PXK: variants seen among roughly 807,000 people sequenced by gnomAD.
PXK encodes PX domain containing serine/threonine kinase like.
In PXK, 35 loss-of-function variants were observed where a neutral mutation model predicts 84.7. The ratio of observed to expected loss-of-function variants is 0.41; its 90% CI spans 0.32 to 0.55. PXK has a LOEUF of 0.55. Ranked by LOEUF, PXK falls within the 20% of genes least tolerant of loss-of-function variation. The pLI is 0.21. For synonymous variants in PXK, 253 were observed against 260.8 expected (o/e 0.97, Z 0.29); for missense variants, 634 against 699.7 (o/e 0.91, Z 1.06).
chr3:58,423,396 T>C, intron 17 of PXK: 1 of 1,506,876 alleles, frequency 6.6e-7, no homozygotes, highest in Non-Finnish European at 8.9e-7. Context: ...TTTGTATTGC[T>C]ATCTTTGAGC....
chr3:58,348,345 C>G (rs888814650), intron 1 of PXK, among the ~76,000 whole-genome samples: 4 of 152,170 alleles, frequency 2.6e-5, no homozygotes, highest in African/African-American at 9.7e-5. Context: ...CTAGTGGTCT[C>G]CTTCTGAACC....
At chr3:58,392,260 T>G (rs1411330281) in intron 7 of PXK, among the ~76,000 whole-genome samples, 1 of 152,220 alleles carries the variant, frequency 6.6e-6, no homozygotes, top group Non-Finnish European at 1.5e-5. Flanking sequence ...AGTTACTACC[T>G]TCACAGGCTA....
At chr3:58,352,955 T>C (rs551823615) in intron 1 of PXK, among the ~76,000 whole-genome samples, 32 of 152,232 alleles carry the variant, frequency 2.1e-4, no homozygotes, top group African/African-American at 7.7e-4. Context: ...AATGTGTGCT[T>C]CATCTCTTCT....
At chr3:58,342,152 T>G (rs944871529) in intron 1 of PXK, among the ~76,000 whole-genome samples, 1 of 152,128 alleles carries the variant, frequency 6.6e-6, no homozygotes, top group Non-Finnish European at 1.5e-5. Context: ...AGTTCTATTG[T>G]TATCGGAATT....
chr3:58,423,368 G>C lies in PXK; in HGVS notation c.1529-1384G>C. On this transcript the variant is annotated intron_variant, in intron 17 of 17. Transcript: ENST00000356151. ...GAACCAATGAACATGTTGGTCATTT[G>C]TCTGTATTTAGTCTTTATTTGTATT... 3.4e-6 allele frequency: 5 copies of C among 1,483,326 alleles called. No homozygotes were observed. In the South Asian group the frequency reaches 6.1e-5, roughly 18 times the overall value. The allele number at this position is 1,483,326 out of a possible 1,614,324, so 91.9% of individuals were successfully genotyped here.
chr3:58,338,735 G>A (rs1264380428), intron 1 of PXK, among the ~76,000 whole-genome samples: 2 of 150,720 alleles, frequency 1.3e-5, no homozygotes, highest in Non-Finnish European at 2.9e-5. Context: ...CCCCAGGTGG[G>A]AGTGCAGTGG....
intron 1 of PXK, among the ~76,000 whole-genome samples, chr3:58,355,701 A>G (rs2098061715): frequency 1.3e-5 from 2 of 152,224 alleles, no homozygotes; most frequent in African/African-American, 2.4e-5. Flanking sequence ...GCATTAATCA[A>G]TTCCAAAGGT....
chr3:58,386,012 G>T (rs2098547651), intron 4 of PXK, among the ~76,000 whole-genome samples: 1 of 152,112 alleles, frequency 6.6e-6, no homozygotes, highest in African/African-American at 2.4e-5. Flanking sequence ...CCAGGGGATG[G>T]CTAACTGGGA....
At chr3:58,336,052 TA>T (rs2097585675) in intron 1 of PXK, among the ~76,000 whole-genome samples, 1 of 53,076 alleles carries the variant, frequency 1.9e-5, no homozygotes, top group Non-Finnish European at 3.2e-5. Context: ...TATATATATA[TA>T]TATATATATA....
rs1207747509 is a variant in PXK, at chr3:58,372,231, C to CTTTGT, written c.201+2766_201+2770dup. 9.9e-5 allele frequency among the ~76,000 whole-genome samples: 15 copies of CTTTGT among 152,216 alleles called. No homozygotes were observed. The East Asian group carries it at 2.5e-3, about 25-fold the overall frequency. On this transcript the variant is annotated intron_variant, in intron 3 of 17. Transcript: ENST00000356151. The stretch of plus-strand genomic sequence containing the variant: ...TTATAGGTTATGTCTTTTTCTGTTT[C>CTTTGT]TTTGTTTTGTTTTGTTTAATGTTCT...
intron 7 of PXK, among the ~76,000 whole-genome samples, chr3:58,392,697 T>C (rs180884446): frequency 5.3e-5 from 8 of 151,912 alleles, no homozygotes; most frequent in Non-Finnish European, 1.0e-4. Flanking sequence ...AGTCTCTCTT[T>C]GTCACCCAGG....
intron 1 of PXK, among the ~76,000 whole-genome samples, chr3:58,338,081 C>A (rs1181351341): frequency 1.3e-5 from 2 of 151,976 alleles, no homozygotes; most frequent in Non-Finnish European, 2.9e-5. Flanking sequence ...GTGGCTCGCA[C>A]TTGTAATCCC....
rs2098474487 is a variant in PXK, at chr3:58,379,149, C to T, written c.202-3365C>T. ...TGTTGCCCAGGCTGGTTTTGAACTC[C>T]TGACCTCAGGTGATCCACCCACCTC... On this transcript the variant is annotated intron_variant, in intron 3 of 17. Coordinates refer to ENST00000356151, the MANE Select transcript of PXK (RefSeq NM_017771.5). This position sits in a 1 kb window ranked among gnomAD's most constrained non-coding sequence, Gnocchi z 5.1. 6.6e-6 allele frequency: 1 copy of T among 152,480 alleles called. No homozygotes were observed. Among genetic ancestry groups the T allele is most frequent in the African/African-American group, 2.4e-5 (1 of 41,392 alleles). 9.4% of individuals were successfully genotyped at this position (152,480 alleles called of 1,614,324 possible).
rs573788675 is a variant in PXK, at chr3:58,364,524, C to G, written c.103-1350C>G. 1.3e-5 allele frequency among the ~76,000 whole-genome samples: 2 copies of G among 152,182 alleles called. No homozygotes were observed. Among genetic ancestry groups the G allele is most frequent in the South Asian group, 4.1e-4 (2 of 4,822 alleles). On this transcript the variant is annotated intron_variant, in intron 1 of 17. Transcript: ENST00000356151. This position sits in a 1 kb window ranked among gnomAD's most constrained non-coding sequence, Gnocchi z 4.3. ...GTCAGGAGTTCGAGACCAGCTGGGC[C>G]AATATGGTGAAACCCCATCTCCGCT...
intron 4 of PXK, among the ~76,000 whole-genome samples, chr3:58,389,310 A>C (rs2098599031): frequency 6.6e-6 from 1 of 152,184 alleles, no homozygotes; most frequent in Non-Finnish European, 1.5e-5. Flanking sequence ...AGATGGGATA[A>C]ATAGTACTTG....
In PXK at chr3:58,386,645, T is replaced by A. The variant is rs1379973497; in HGVS notation, c.389-3937T>A. ...TACTTCTATCATTTAAAAGCCTCACTGCACTGTAGCCATCTTCCTGCCTCA... is the reference window on the plus strand; with the variant it reads ...TACTTCTATCATTTAAAAGCCTCACAGCACTGTAGCCATCTTCCTGCCTCA... On this transcript the variant is annotated intron_variant, in intron 4 of 17. Transcript: ENST00000356151. Among the ~76,000 whole-genome samples, 5 of 152,142 alleles carry A rather than the reference T, an allele frequency of 3.3e-5. No homozygotes were observed. The East Asian group carries it at 9.6e-4, about 29-fold the overall frequency.
intron 17 of PXK, among the ~76,000 whole-genome samples, chr3:58,419,499 C>T (rs1014303262): frequency 5.9e-5 from 9 of 152,220 alleles, no homozygotes; most frequent in Admixed American, 4.6e-4. Context: ...GTGATCCGCC[C>T]GCCTTGGCCT....
chr3:58,397,793 T>C lies in PXK; in HGVS notation c.1102+71T>C, dbSNP rs1014702482. The C allele has an allele frequency of 7.9e-7, 1 of 1,259,544 alleles. No homozygotes were observed. Among genetic ancestry groups the C allele is most frequent in the Non-Finnish European group, 1.1e-6 (1 of 878,830 alleles). 78.0% of individuals were successfully genotyped at this position (1,259,544 alleles called of 1,614,324 possible). A position where few individuals can be genotyped will look rare whatever the true frequency, so the allele number is the denominator to read the frequency against. On this transcript the variant is annotated intron_variant, in intron 11 of 17. Coordinates refer to ENST00000356151, the MANE Select transcript of PXK (RefSeq NM_017771.5). This position sits in a 1 kb window ranked among gnomAD's most constrained non-coding sequence, Gnocchi z 4.7. ...AGAGCCACTCATCCCCTTTCCAGAG[T>C]CCAGGAAAGACCCAGAGGAAGTTGC...
intron 16 of PXK, among the ~76,000 whole-genome samples, chr3:58,410,899 T>C (rs1182218431): frequency 6.6e-6 from 1 of 152,208 alleles, no homozygotes; most frequent in African/African-American, 2.4e-5. Context: ...GCTTATACTT[T>C]TAGGCAGAGG....
Sources: allele counts gnomAD v4.1 joint callset (sites outside exome capture counted in the v4.1 genomes callset), GRCh38; gene constraint gnomAD v4.1.1; non-coding constraint Gnocchi (gnomAD v3.1); transcripts MANE v1.5; gene names NCBI Gene and HGNC (gene_info 2026-07-23, HGNC 2026-07-21).